ERC2: variants seen among roughly 807,000 people sequenced by gnomAD.
The protein encoded by ERC2 is ERC protein 2.
ERC2 carries 42 observed loss-of-function variants against 114.8 expected under a neutral mutation model. The observed-to-expected ratio is 0.37, with a 90% confidence interval of 0.29 to 0.47. The LOEUF is 0.47. ERC2 is among the 20% of genes least tolerant of loss of function. ERC2 has a pLI of 0.99. For synonymous variants in ERC2, 454 were observed against 425.5 expected (o/e 1.07, Z -0.82); for missense variants, 939 against 1,150.7 (o/e 0.82, Z 2.66).
At chr3:55,586,075 C>G (rs990703188) in intron 17 of ERC2, among the ~76,000 whole-genome samples, 1 of 152,182 alleles carries the variant, frequency 6.6e-6, no homozygotes, top group African/African-American at 2.4e-5. Flanking sequence ...GGGCTTCCTC[C>G]TGGTTCACAC....
chr3:56,063,392 G>C (rs2076329404), intron 7 of ERC2, among the ~76,000 whole-genome samples: 1 of 152,190 alleles, frequency 6.6e-6, no homozygotes, highest in South Asian at 2.1e-4. Context: ...AATTATCTTT[G>C]TGAAATAATT....
At chr3:55,659,262 C>T (rs1011113469) in intron 17 of ERC2, 7 of 152,182 alleles carry the variant, frequency 4.6e-5, no homozygotes, top group South Asian at 2.1e-4. Context: ...GTCCTCAGGA[C>T]ATTCACAAAT....
At chr3:55,749,430 G>A (rs1285896045) in intron 14 of ERC2, among the ~76,000 whole-genome samples, 3 of 152,188 alleles carry the variant, frequency 2.0e-5, no homozygotes, top group Non-Finnish European at 4.4e-5. Context: ...AAGGTGAGAG[G>A]TGAGGCCAGC....
chr3:56,392,576 A>G (rs1206398740), intron 2 of ERC2, among the ~76,000 whole-genome samples: 1 of 152,172 alleles, frequency 6.6e-6, no homozygotes, highest in African/African-American at 2.4e-5. Flanking sequence ...TCCTTTGACC[A>G]TTATACTAGA....
intron 6 of ERC2, among the ~76,000 whole-genome samples, chr3:56,113,533 G>A (rs752322657): frequency 2.6e-5 from 4 of 152,150 alleles, no homozygotes; most frequent in Non-Finnish European, 4.4e-5. Context: ...TAGGAATGTA[G>A]AATGTTACAT....
At chr3:56,091,407 G>A (rs2077782583) in intron 6 of ERC2, among the ~76,000 whole-genome samples, 1 of 152,110 alleles carries the variant, frequency 6.6e-6, no homozygotes, top group African/African-American at 2.4e-5. Flanking sequence ...CTGGACTTGA[G>A]GAAAGGAAAT....
intron 17 of ERC2, among the ~76,000 whole-genome samples, chr3:55,568,579 C>T (rs2107512971): frequency 6.6e-6 from 1 of 152,294 alleles, no homozygotes; most frequent in South Asian, 2.1e-4. Context: ...CACTTGAAAA[C>T]CCATCCAAAA....
intron 7 of ERC2, among the ~76,000 whole-genome samples, chr3:56,044,925 A>T (rs2075382528): frequency 6.6e-6 from 1 of 152,174 alleles, no homozygotes; most frequent in Non-Finnish European, 1.5e-5. Context: ...TTATTTTGTT[A>T]TTGCTTAGTA....
intron 4 of ERC2, among the ~76,000 whole-genome samples, chr3:56,164,817 G>GT (rs2082242267): frequency 6.6e-6 from 1 of 151,906 alleles, no homozygotes; most frequent in Non-Finnish European, 1.5e-5. Context: ...TTTAATGCTG[G>GT]TTTTGATTGG....
At chr3:56,189,495 T>C (rs1013400566) in intron 3 of ERC2, among the ~76,000 whole-genome samples, 4 of 152,186 alleles carry the variant, frequency 2.6e-5, no homozygotes, top group Admixed American at 6.5e-5. Flanking sequence ...GAAAATCTGG[T>C]CAGAATTTGA....
At chr3:55,765,063 C>G (rs1039824975) in intron 14 of ERC2, among the ~76,000 whole-genome samples, 1 of 152,132 alleles carries the variant, frequency 6.6e-6, no homozygotes, top group Non-Finnish European at 1.5e-5. Context: ...AACAGGAGAT[C>G]GCTTCTTGTC....
chr3:55,661,732 G>C (rs1217540339), intron 17 of ERC2, among the ~76,000 whole-genome samples: 1 of 152,084 alleles, frequency 6.6e-6, no homozygotes, highest in African/African-American at 2.4e-5. Flanking sequence ...TTTAAAATCT[G>C]AAACAAAACA....
intron 12 of ERC2, among the ~76,000 whole-genome samples, chr3:55,980,124 C>T (rs1021169176): frequency 7.0e-5 from 10 of 143,290 alleles, no homozygotes; most frequent in Non-Finnish European, 1.1e-4. Flanking sequence ...AAAAAAAAAG[C>T]TTTTTGTCTA....
At chr3:55,972,192 A>G (rs1449167242) in intron 12 of ERC2, among the ~76,000 whole-genome samples, 1 of 152,156 alleles carries the variant, frequency 6.6e-6, no homozygotes, top group African/African-American at 2.4e-5. Flanking sequence ...TTATCATTAG[A>G]CCATTCAAAG....
intron 15 of ERC2, among the ~76,000 whole-genome samples, chr3:55,720,888 A>G (rs2064506858): frequency 6.6e-6 from 1 of 152,158 alleles, no homozygotes; most frequent in Admixed American, 6.5e-5. Flanking sequence ...CATTTCTTTA[A>G]TCCTTAGGGG....
intron 7 of ERC2, among the ~76,000 whole-genome samples, chr3:56,065,122 A>T (rs934411984): frequency 1.3e-4 from 20 of 152,206 alleles, no homozygotes; most frequent in African/African-American, 4.3e-4. Context: ...AAAATACTAC[A>T]ATCTGAAAGC....
intron 15 of ERC2, among the ~76,000 whole-genome samples, chr3:55,714,704 TATATATATATG>T (rs2064007553): frequency 1.3e-5 from 1 of 79,250 alleles, no homozygotes; most frequent in African/African-American, 4.4e-5. Flanking sequence ...TATATATATA[TATATATATATG>T]AAAAGTACAG....
chr3:56,335,840 G>T (rs1401647155), intron 2 of ERC2, among the ~76,000 whole-genome samples: 1 of 152,148 alleles, frequency 6.6e-6, no homozygotes, highest in Non-Finnish European at 1.5e-5. Context: ...AATGAAAAAA[G>T]TGTGAAGCTG....
intron 7 of ERC2, among the ~76,000 whole-genome samples, chr3:56,028,258 C>T (rs943332477): frequency 6.6e-6 from 1 of 151,826 alleles, no homozygotes; most frequent in African/African-American, 2.4e-5. Context: ...TTCTTTTTTC[C>T]CCAAGATTGT....
Sources: allele counts gnomAD v4.1 joint callset (sites outside exome capture counted in the v4.1 genomes callset), GRCh38; gene constraint gnomAD v4.1.1; transcripts MANE v1.5; gene names NCBI Gene and HGNC (gene_info 2026-07-23, HGNC 2026-07-21).